Variants in ARHGEF11 observed in about 807,000 individuals in gnomAD.
ARHGEF11 encodes the protein Rho guanine exchange factor (GEF) 11.
A neutral mutation model predicts 193.7 loss-of-function variants in ARHGEF11; 55 were observed. The ratio of observed to expected loss-of-function variants is 0.28; its 90% CI spans 0.23 to 0.36. ARHGEF11 has a LOEUF of 0.36. Ranked by LOEUF, ARHGEF11 falls within the 10% of genes least tolerant of loss-of-function variation. The pLI is 1.00. For missense variants in ARHGEF11, 1,723 were observed against 2,005.6 expected (o/e 0.86, Z 2.69); for synonymous variants, 693 against 768.0 (o/e 0.90, Z 1.62).
chr1:157,002,954 C>A (rs1218295655), intron 1 of ARHGEF11, among the ~76,000 whole-genome samples: 1 of 152,174 alleles, frequency 6.6e-6, no homozygotes, highest in African/African-American at 2.4e-5. Context: ...AGAGAGAATT[C>A]ATAAGAATGT....
At chr1:156,985,364 A>G (rs560657888) in intron 2 of ARHGEF11, among the ~76,000 whole-genome samples, 1 of 152,348 alleles carries the variant, frequency 6.6e-6, no homozygotes, top group East Asian at 1.9e-4. Context: ...TAACATAAAC[A>G]CTAAGTTGCT....
rs80026777 is a variant in ARHGEF11 at position 157,043,669 on chromosome 1, C to G, written c.32+630G>C. 4.0e-3 allele frequency among the ~76,000 whole-genome samples: 609 copies of G among 152,290 alleles called. 3 individuals are homozygous for G. Among genetic ancestry groups the G allele is most frequent in the African/African-American group, 0.014 (569 of 41,570 alleles). ...CTAGAGCATCAGCCGGTTGGCAGGT[C>G]TCAATTCAAACTCTAAGCTTGGAGG... is the stretch of plus-strand genomic sequence containing the variant. On this transcript the variant is annotated intron_variant, in intron 1 of 40. Coordinates refer to ENST00000368194, the MANE Select transcript of ARHGEF11 (RefSeq NM_198236.3).
At chr1:156,960,550 T>C in intron 14 of ARHGEF11, 90 bp from the exon 15 acceptor site, 1 of 1,257,342 alleles carries the variant, frequency 8.0e-7, no homozygotes. Context: ...CTTGGCCACA[T>C]GAACTTCTTG....
At chr1:156,942,013 GGACT>G in intron 33 of ARHGEF11, 24 bp from the exon 34 acceptor site, 1 of 1,613,982 alleles carries the variant, frequency 6.2e-7, no homozygotes, top group Non-Finnish European at 8.5e-7. Context: ...GGAACAGAGA[GGACT>G]GTAGTGAGAG....
intron 1 of ARHGEF11, among the ~76,000 whole-genome samples, chr1:157,019,266 T>C (rs973900713): frequency 1.7e-4 from 26 of 152,128 alleles, no homozygotes; most frequent in African/African-American, 5.8e-4. Context: ...AAAAAAGGCA[T>C]ATACATGACA....
At chr1:156,950,803 C>A (rs915349210) in intron 22 of ARHGEF11, among the ~76,000 whole-genome samples, 1 of 152,190 alleles carries the variant, frequency 6.6e-6, no homozygotes, top group Admixed American at 6.5e-5. Context: ...TCCCCCCACA[C>A]AAGACCATAT....
rs747208234 is a variant in ARHGEF11 at position 156,938,498 on chromosome 1, C to A, written c.4112G>T (p.Ser1371Ile). Reference sequence around the variant, plus strand: ...CTCTGGTAGTGCAGGGACAACCTTGCTGCCTGCCACCTCAGCTGCACCGAC... The same window carrying A: ...CTCTGGTAGTGCAGGGACAACCTTGATGCCTGCCACCTCAGCTGCACCGAC... ...KVVRKAEVAG[S>I]KVVPALPESG... is the part of the protein sequence containing the mutation. The change falls in exon 38 of 41, where the codon AGC becomes ATC. Residue 1371 changes from serine (S) to isoleucine (I), a missense_variant. Coordinates refer to ENST00000368194, the MANE Select transcript of ARHGEF11 (RefSeq NM_198236.3). The A allele has an allele frequency of 5.8e-5, 93 of 1,613,204 alleles. No homozygotes were observed. The highest frequency in any genetic ancestry group is 7.7e-5 in the Non-Finnish European group (91 of 1,179,628).
upstream of ARHGEF11, among the ~76,000 whole-genome samples, chr1:157,046,082 G>T (rs1480925264): frequency 6.7e-6 from 1 of 149,926 alleles, no homozygotes; most frequent in Non-Finnish European, 1.5e-5. Flanking sequence ...CTTTGCCGTC[G>T]CTCCTCGGCC....
intron 1 of ARHGEF11, among the ~76,000 whole-genome samples, chr1:157,013,157 T>C (rs1023230427): frequency 4.6e-5 from 7 of 151,984 alleles, no homozygotes; most frequent in Non-Finnish European, 1.0e-4. Context: ...CTAGCCACTA[T>C]TGCTCTATTG....
Position 156,942,769 on chromosome 1 carries a change from A to C in ARHGEF11, c.3247T>G (p.Phe1083Val). The change falls in exon 33 of 41, where the codon TTC (phenylalanine) becomes GTC (valine). Residue 1083 changes from phenylalanine (F) to valine (V), a missense_variant. By Grantham distance (50) the Phe-to-Val change is conservative. Around this residue, in one of 5 missense-constraint regions of ARHGEF11, gnomAD observed 23 missense variants for 58.7 expected, o/e 0.39. Transcript: ENST00000368194. ...IRSVATDKRA[F>V]FIICTSKLGP... is the part of the protein sequence containing the mutation. ...AGCTTGGAGGTGCAGATGATGAAGA[A>C]GGCCCGTTTATCTGTGTGAGGAAAG... 1.2e-6 allele frequency: 2 copies of C among 1,614,074 alleles called. No homozygotes were observed. The highest frequency in any genetic ancestry group is 1.7e-6 in the Non-Finnish European group (2 of 1,179,914).
chr1:157,012,976 C>T (rs943443369), intron 1 of ARHGEF11, among the ~76,000 whole-genome samples: 2 of 152,120 alleles, frequency 1.3e-5, no homozygotes, highest in African/African-American at 4.8e-5. Context: ...TTGTCTGGTG[C>T]AAAGTCGTTG....
intron 1 of ARHGEF11, among the ~76,000 whole-genome samples, chr1:157,026,520 C>G (rs1004718776): frequency 6.6e-6 from 1 of 152,178 alleles, no homozygotes; most frequent in Non-Finnish European, 1.5e-5. Context: ...AGGGCTAGAA[C>G]TGTAGAAGAG....
At chr1:157,040,987 A>G (rs1184247460) in intron 1 of ARHGEF11, among the ~76,000 whole-genome samples, 1 of 152,206 alleles carries the variant, frequency 6.6e-6, no homozygotes, top group Non-Finnish European at 1.5e-5. Flanking sequence ...GAGGCATGTG[A>G]CTTCCCCAAG....
At position 156,961,782 on chromosome 1, in the gene ARHGEF11, G is replaced by A. The variant is rs754449053; in HGVS notation, c.1141-7C>T. On this transcript the variant is annotated splice_region_variant and splice_polypyrimidine_tract_variant and intron_variant, in intron 13 of 40. Transcript: ENST00000368194. ...CTGCACACAGGTAAAAAAGCTAGGAGGAGAGAGAACTGGGTTAGAGCAGTG... is the reference window on the plus strand; with the variant it reads ...CTGCACACAGGTAAAAAAGCTAGGAAGAGAGAGAACTGGGTTAGAGCAGTG... 8 of 1,613,690 alleles carry A rather than the reference G, an allele frequency of 5.0e-6. No individual in the cohort carries two copies. Among genetic ancestry groups the A allele is most frequent in the Non-Finnish European group, 5.9e-6 (7 of 1,179,710 alleles).
At position 157,016,347 on chromosome 1, in the gene ARHGEF11, G is replaced by A. The variant is rs187447548; in HGVS notation, c.32+27952C>T. On this transcript the variant is annotated intron_variant, in intron 1 of 40. Transcript: ENST00000368194. Reference sequence around the variant, plus strand: ...CGATTCTCCTGCCTCAGCCTCCCGAGTAGCTGGGATTATAGACACCTGCCA... The same window carrying A: ...CGATTCTCCTGCCTCAGCCTCCCGAATAGCTGGGATTATAGACACCTGCCA... 8.3e-4 allele frequency among the ~76,000 whole-genome samples: 125 copies of A among 151,130 alleles called. 1 individual carries two copies. Among genetic ancestry groups the A allele is most frequent in the African/African-American group, 2.8e-3 (113 of 40,502 alleles).
chr1:157,036,856 T>A (rs905781857), intron 1 of ARHGEF11, among the ~76,000 whole-genome samples: 12 of 152,116 alleles, frequency 7.9e-5, no homozygotes, highest in African/African-American at 2.7e-4. Context: ...CAGTGCACGG[T>A]GGCTTACACC....
At chr1:156,936,795 G>GA in intron 40 of ARHGEF11, 21 bp downstream of exon 40, 1 of 1,606,490 alleles carries the variant, frequency 6.2e-7, no homozygotes, top group Non-Finnish European at 8.5e-7. Context: ...TAGGAACCGA[G>GA]AGGGACCTGG....
At chr1:156,959,914 A>C in intron 15 of ARHGEF11, among the ~76,000 whole-genome samples, 1 of 140,808 alleles carries the variant, frequency 7.1e-6, no homozygotes, top group African/African-American at 2.6e-5. Context: ...AACTTATAAA[A>C]ACAAAAATAA....
At chr1:157,043,765 G>A (rs1381574378) in intron 1 of ARHGEF11, among the ~76,000 whole-genome samples, 1 of 152,192 alleles carries the variant, frequency 6.6e-6, no homozygotes, top group East Asian at 1.9e-4. Context: ...AGACTTGCAT[G>A]GGTGCAAAGG....
Sources: gnomAD v4.1 joint callset for allele counts (sites outside exome capture counted in the v4.1 genomes callset) on GRCh38, gnomAD v4.1.1 for gene constraint, gnomAD v4.1.1 regional missense constraint, MANE v1.5 for transcripts, NCBI Gene and HGNC (gene_info 2026-07-23, HGNC 2026-07-21) for gene names.